Variants in ESRRG observed in about 807,000 individuals in gnomAD.
ESRRG encodes estrogen-related receptor gamma.
ESRRG carries 13 observed loss-of-function variants against 44.0 expected under a neutral mutation model. The ratio of observed to expected loss-of-function variants is 0.30; its 90% CI spans 0.19 to 0.47. The LOEUF is 0.47. Among genes scored for constraint, ESRRG ranks in the 20% least tolerant of loss-of-function variants. The pLI, the probability that ESRRG is intolerant of heterozygous loss-of-function variation, is 1.00. For synonymous variants in ESRRG, 215 were observed against 214.6 expected, an observed-to-expected ratio of 1.00 and a Z score of -0.02; for missense variants, 395 against 580.6, an observed-to-expected ratio of 0.68 and a Z score of 3.29.
chr1:216,916,608 C>T (rs2061197569), intron 2 of ESRRG, among the ~76,000 whole-genome samples: 1 of 152,184 alleles, frequency 6.6e-6, no homozygotes, highest in African/African-American at 2.4e-5. Context: ...TCCTATACCA[C>T]TGCTGTGTTC....
At chr1:217,081,632 A>G (rs1288097706) in intron 1 of ESRRG, among the ~76,000 whole-genome samples, 1 of 151,702 alleles carries the variant, frequency 6.6e-6, no homozygotes, top group Non-Finnish European at 1.5e-5. Flanking sequence ...TTTTTTAGAG[A>G]TGGAGCCTTG....
At chr1:216,602,592 T>C (rs146516169) in intron 3 of ESRRG, among the ~76,000 whole-genome samples, 96 of 152,290 alleles carry the variant, frequency 6.3e-4, no homozygotes, top group African/African-American at 2.3e-3. Flanking sequence ...TTATCTATTC[T>C]GAGTTAAATG....
intron 1 of ESRRG, among the ~76,000 whole-genome samples, chr1:217,019,953 G>T (rs1028006938): frequency 3.3e-5 from 5 of 152,120 alleles, no homozygotes; most frequent in East Asian, 3.9e-4. Flanking sequence ...TGGAGTTAGG[G>T]CATGGTACTT....
intron 1 of ESRRG, among the ~76,000 whole-genome samples, chr1:217,021,083 C>CACACACACAG: frequency 6.8e-6 from 1 of 146,604 alleles, no homozygotes; most frequent in Non-Finnish European, 1.5e-5. Context: ...CACATACACA[C>CACACACACAG]AGAGAAAGAT....
At position 216,966,278 on chromosome 1, in the gene ESRRG, C is replaced by T. The variant is rs530522903; in HGVS notation, c.-105-26605G>A. On this transcript the variant is annotated intron_variant, in intron 1 of 7. Coordinates refer to the ESRRG transcript ENST00000359162. ...AGAATCATGTTGGAGTATAACGTGT[C>T]AACAAAAGATTATTTGTATCCATTC... Among the ~76,000 whole-genome samples, 48 of 152,176 alleles carry T rather than the reference C, an allele frequency of 3.2e-4. 1 individual carries two copies. In the South Asian group the frequency reaches 9.1e-3, roughly 29 times the overall value.
intron 2 of ESRRG, among the ~76,000 whole-genome samples, chr1:216,801,517 A>T (rs1346392424): frequency 6.6e-6 from 1 of 152,172 alleles, no homozygotes; most frequent in Non-Finnish European, 1.5e-5. Context: ...AAGTGAGATC[A>T]TCCAGTATTT....
In ESRRG at chr1:217,046,163, CA is replaced by C. The variant is rs907962584; in HGVS notation, c.-106+43343del. Among the ~76,000 whole-genome samples the C allele has an allele frequency of 3.0e-3, 407 of 134,480 alleles. 2 individuals carry two copies. The highest frequency in any genetic ancestry group is 8.9e-3 in the African/African-American group (328 of 37,040). The allele number at this position is 134,480 out of a possible 152,430, so 88.2% of individuals were successfully genotyped here. A position where few individuals can be genotyped will look rare whatever the true frequency, so the allele number is the denominator to read the frequency against. On this transcript the variant is annotated intron_variant, in intron 1 of 7. Coordinates refer to the ESRRG transcript ENST00000359162. ...GAGAGCCTAAGCTGCACATTCCTTTCAAAAAAAAAAAAACCTAAAATTAGTG... is the reference window on the plus strand; with the variant it reads ...GAGAGCCTAAGCTGCACATTCCTTTCAAAAAAAAAAAACCTAAAATTAGTG...
chr1:216,523,256 T>C (rs1195503090), intron 5 of ESRRG, among the ~76,000 whole-genome samples: 4 of 152,220 alleles, frequency 2.6e-5, no homozygotes, highest in South Asian at 4.1e-4. Flanking sequence ...GCAGAATGAC[T>C]CTCTACCTTG....
intron 3 of ESRRG, among the ~76,000 whole-genome samples, chr1:216,648,437 A>G (rs942264099): frequency 4.6e-5 from 7 of 152,142 alleles, no homozygotes; most frequent in African/African-American, 1.7e-4. Flanking sequence ...CCTAGAAAAC[A>G]GATACTTGCT....
chr1:217,113,436 G>A (rs1434728114), intron 1 of ESRRG, among the ~76,000 whole-genome samples: 1 of 152,082 alleles, frequency 6.6e-6, no homozygotes, highest in East Asian at 1.9e-4. Flanking sequence ...CATATATTGA[G>A]TAGGAGTGGG....
At chr1:216,811,675 G>A (rs188922959) in intron 2 of ESRRG, among the ~76,000 whole-genome samples, 26 of 152,132 alleles carry the variant, frequency 1.7e-4, no homozygotes, top group Non-Finnish European at 8.8e-5. Context: ...ACTTACTACC[G>A]GAGAACATCA....
intron 1 of ESRRG, among the ~76,000 whole-genome samples, chr1:217,036,951 G>A (rs1015776943): frequency 7.9e-5 from 12 of 152,102 alleles, no homozygotes; most frequent in African/African-American, 2.7e-4. Context: ...AGTCATGCCC[G>A]AGTTGGGAGA....
At chr1:216,541,611 T>TGTGTGTGTGTGTGTGA (rs753149020) in intron 5 of ESRRG, among the ~76,000 whole-genome samples, 4 of 148,636 alleles carry the variant, frequency 2.7e-5, no homozygotes, top group Admixed American at 6.7e-5. Context: ...TGTGTGTATG[T>TGTGTGTGTGTGTGTGA]GATCAGCTAT....
chr1:216,848,807 C>G (rs1480784612), intron 2 of ESRRG, among the ~76,000 whole-genome samples: 3 of 151,942 alleles, frequency 2.0e-5, no homozygotes, highest in African/African-American at 7.3e-5. Flanking sequence ...AGTACATGCA[C>G]TTTTTTCACT....
chr1:216,657,122 T>C lies in ESRRG; in HGVS notation c.473-6033A>G, dbSNP rs564247115. Among the ~76,000 whole-genome samples, 11 of 152,332 alleles carry C rather than the reference T, an allele frequency of 7.2e-5. No individual in the cohort carries two copies. The East Asian group carries it at 1.9e-3, about 27-fold the overall frequency. ...CTAACTTTCCTTTTTTTCTTTGTTTTTCTTTCTTATTTTCAATGCTTCGTT... is the reference window on the plus strand; with the variant it reads ...CTAACTTTCCTTTTTTTCTTTGTTTCTCTTTCTTATTTTCAATGCTTCGTT... On this transcript the variant is annotated intron_variant, in intron 2 of 6. Coordinates refer to ENST00000408911, the MANE Select transcript of ESRRG (RefSeq NM_001438.4).
intron 2 of ESRRG, among the ~76,000 whole-genome samples, chr1:216,772,193 T>C (rs2093412658): frequency 6.6e-6 from 1 of 152,118 alleles, no homozygotes. Flanking sequence ...AAACCACAGC[T>C]ACACGTTGTT....
rs143397774 is a variant in ESRRG at position 217,037,861 on chromosome 1, A to T, written c.-106+51646T>A. Among the ~76,000 whole-genome samples the T allele has an allele frequency of 5.6e-3, 849 of 152,300 alleles. 7 individuals carry two copies. The highest frequency in any genetic ancestry group is 0.019 in the African/African-American group (806 of 41,560). ...CAAATGGGAGAAATTGGCCAAAACGAAGGAGCAACAGGCCCCATGCAAGTC... is the reference window on the plus strand; with the variant it reads ...CAAATGGGAGAAATTGGCCAAAACGTAGGAGCAACAGGCCCCATGCAAGTC... On this transcript the variant is annotated intron_variant, in intron 1 of 7. Transcript: ENST00000359162.
At chr1:217,001,995 T>C (rs2077085827) in intron 1 of ESRRG, among the ~76,000 whole-genome samples, 1 of 146,480 alleles carries the variant, frequency 6.8e-6, no homozygotes, top group African/African-American at 2.4e-5. Flanking sequence ...GGCACCATTA[T>C]AATTTTTTTT....
chr1:216,939,034 A>C (rs2064668781), intron 2 of ESRRG, among the ~76,000 whole-genome samples: 1 of 152,192 alleles, frequency 6.6e-6, no homozygotes, highest in African/African-American at 2.4e-5. Flanking sequence ...ATATCTCTAG[A>C]AAGAAATGGG....
Sources: allele counts gnomAD v4.1 joint callset (sites outside exome capture counted in the v4.1 genomes callset), GRCh38; gene constraint gnomAD v4.1.1; transcripts MANE v1.5; gene names NCBI Gene and HGNC (gene_info 2026-07-23, HGNC 2026-07-21).